SLC9A2: variants seen among roughly 807,000 people sequenced by gnomAD.
SLC9A2 encodes sodium/hydrogen exchanger 2.
SLC9A2 carries 42 observed loss-of-function variants against 71.7 expected under a neutral mutation model. The observed-to-expected ratio is 0.59, with a 90% CI of 0.46 to 0.76. The LOEUF (loss-of-function observed/expected upper bound fraction) is 0.76, where lower values mean the gene tolerates loss of function less well. Among genes scored for constraint, SLC9A2 ranks in the 30% least tolerant of loss-of-function variants. SLC9A2 has a pLI of 0.00. For missense variants in SLC9A2, 829 were observed against 1,017.4 expected, an observed-to-expected ratio of 0.81 and a Z score of 2.52; for synonymous variants, 396 against 392.5, an observed-to-expected ratio of 1.01 and a Z score of -0.10.
At chr2:102,696,780 C>T (rs890733572) in intron 7 of SLC9A2, among the ~76,000 whole-genome samples, 4 of 152,098 alleles carry the variant, frequency 2.6e-5, no homozygotes, top group South Asian at 2.1e-4. Flanking sequence ...ATGGAGAGCA[C>T]GCCCAATTAG....
chr2:102,633,087 A>G (rs1676406227), intron 1 of SLC9A2, among the ~76,000 whole-genome samples: 1 of 152,174 alleles, frequency 6.6e-6, no homozygotes, highest in Non-Finnish European at 1.5e-5. Context: ...TCTTTAATAA[A>G]ATAATAATAG....
intron 5 of SLC9A2, among the ~76,000 whole-genome samples, chr2:102,692,084 G>A (rs376879107): frequency 1.1e-4 from 17 of 152,270 alleles, no homozygotes; most frequent in South Asian, 6.2e-4. Context: ...CCATCTCTGC[G>A]AACCACATGT....
Position 102,704,645 on chromosome 2 carries a change from G to A in SLC9A2, c.1947G>A (p.Arg649=). The stretch of plus-strand genomic sequence containing the variant: ...GACACAGTTTGCGAGAAAGCATTAG[G>A]AAGGACAGCAGCTTGAATCGAGAAC... The part of the protein sequence containing the change: ...RRRHSLRESI[R]KDSSLNREHR... The change falls in exon 10 of 12, where the codon AGG becomes AGA. Residue 649 remains arginine, a synonymous_variant. Transcript: ENST00000233969. The A allele has an allele frequency of 6.2e-7, 1 of 1,613,254 alleles. No homozygotes were observed. The highest frequency in any genetic ancestry group is 8.5e-7 in the Non-Finnish European group (1 of 1,179,438).
Position 102,694,583 on chromosome 2 carries a change from T to A in SLC9A2, c.1515+80T>A, listed in dbSNP as rs1302903952. 4 of 626,222 alleles carry A rather than the reference T, an allele frequency of 6.4e-6. No homozygotes were observed. The African/African-American group carries it at 7.5e-5, about 12-fold the overall frequency. The allele number at this position is 626,222 out of a possible 1,614,324, so 38.8% of individuals were successfully genotyped here. ...AGTCAAACAGCTTGGTACCACGTTG[T>A]CCATTTCCTGAAGAAGAAGGGAATG... On this transcript the variant is annotated intron_variant, in intron 6 of 11. Transcript: ENST00000233969.
chr2:102,708,224 A>C lies in SLC9A2; in HGVS notation c.2174A>C (p.Gln725Pro). 7 of 1,614,106 alleles carry C rather than the reference A, an allele frequency of 4.3e-6. No individual in the cohort carries two copies. Among genetic ancestry groups the C allele is most frequent in the Non-Finnish European group, 5.1e-6 (6 of 1,180,010 alleles). ...LPEQFSKKSPQSYKMEWKNEV... is the reference protein window; with the variant it reads ...LPEQFSKKSPPSYKMEWKNEV... Reference sequence around the variant, plus strand: ...GAACAGTTCTCCAAGAAATCCCCCCAGTCCTATAAAATGGAATGGAAGAAT... The same window carrying C: ...GAACAGTTCTCCAAGAAATCCCCCCCGTCCTATAAAATGGAATGGAAGAAT... Residue 725 changes from glutamine (Q) to proline (P), a missense_variant, in exon 12 of 12, where the codon CAG becomes CCG. Coordinates refer to ENST00000233969, the MANE Select transcript of SLC9A2 (RefSeq NM_003048.6).
chr2:102,683,609 A>T, intron 4 of SLC9A2, 131 bp downstream of exon 4: 1 of 699,266 alleles, frequency 1.4e-6, no homozygotes. Flanking sequence ...TTTCTTACCT[A>T]CGTCTTCCTC....
intron 1 of SLC9A2, among the ~76,000 whole-genome samples, chr2:102,649,611 A>C (rs1434884407): frequency 6.6e-6 from 1 of 151,834 alleles, no homozygotes; most frequent in Non-Finnish European, 1.5e-5. Flanking sequence ...TAAGGAACTT[A>C]AACAAATTTA....
chr2:102,683,277 A>G lies in SLC9A2; in HGVS notation c.1021A>G (p.Met341Val). ...SGIMAITACA[M>V]TMNKYVEENV... ...CCCTTTCAGAATCACTGCTTGTGCA[A>G]TGACTATGAATAAGTACGTAGAAGA... The change falls in exon 4 of 12, where the codon ATG (methionine) becomes GTG (valine). Residue 341 changes from methionine (M) to valine (V), a missense_variant. Physicochemically the swap from Met to Val is conservative, Grantham distance 21. Coordinates refer to ENST00000233969, the MANE Select transcript of SLC9A2 (RefSeq NM_003048.6). 6.2e-7 allele frequency: 1 copy of G among 1,611,182 alleles called. No homozygotes were observed. The highest frequency in any genetic ancestry group is 8.5e-7 in the Non-Finnish European group (1 of 1,177,256).
chr2:102,639,503 C>T (rs1676532283), intron 1 of SLC9A2, among the ~76,000 whole-genome samples: 2 of 152,202 alleles, frequency 1.3e-5, no homozygotes. Context: ...ACCATGCCTA[C>T]CAGCAGAGAT....
intron 3 of SLC9A2, among the ~76,000 whole-genome samples, chr2:102,679,629 C>T (rs1344448685): frequency 3.9e-5 from 6 of 152,124 alleles, no homozygotes; most frequent in African/African-American, 1.4e-4. Flanking sequence ...CCGCCCACCT[C>T]GGCCTCCCAA....
At chr2:102,695,789 T>TTATATATATATATAATATATATTA (rs1226558409) in intron 7 of SLC9A2, among the ~76,000 whole-genome samples, 1 of 37,120 alleles carries the variant, frequency 2.7e-5, no homozygotes, top group African/African-American at 1.0e-4. Flanking sequence ...TATATATATA[T>TTATATATATATATAATATATATTA]TATATATATA....
At chr2:102,648,715 G>A (rs1676776247) in intron 1 of SLC9A2, among the ~76,000 whole-genome samples, 1 of 152,132 alleles carries the variant, frequency 6.6e-6, no homozygotes, top group Admixed American at 6.5e-5. Context: ...GCCAAATCAT[G>A]AGTGAACTCC....
At chr2:102,625,636 C>A (rs1396672551) in intron 1 of SLC9A2, among the ~76,000 whole-genome samples, 1 of 152,260 alleles carries the variant, frequency 6.6e-6, no homozygotes, top group Admixed American at 6.5e-5. Flanking sequence ...CATGTCCCTA[C>A]AAAGGACATG....
Position 102,706,147 on chromosome 2 carries a change from G to A in SLC9A2, c.2068+211G>A, listed in dbSNP as rs1286999497. On this transcript the variant is annotated intron_variant, in intron 11 of 11. Transcript: ENST00000233969. ...ATCCTGGCTAACAAGGTGAAACCCC[G>A]TCTCTACTGAAAATACAAAAAATTA... is the stretch of plus-strand genomic sequence containing the variant. Among the ~76,000 whole-genome samples, 2 of 31,184 alleles carry A rather than the reference G, an allele frequency of 6.4e-5. 1 individual carries two copies. Among genetic ancestry groups the A allele is most frequent in the Non-Finnish European group, 1.3e-4 (2 of 15,168 alleles). The allele number at this position is 31,184 out of a possible 152,430, so 20.5% of individuals were successfully genotyped here. A position where few individuals can be genotyped will look rare whatever the true frequency, so the allele number is the denominator to read the frequency against.
At chr2:102,682,104 T>C (rs930958833) in intron 3 of SLC9A2, among the ~76,000 whole-genome samples, 1 of 152,168 alleles carries the variant, frequency 6.6e-6, no homozygotes, top group African/African-American at 2.4e-5. Context: ...ATTCAGCTTA[T>C]GGCATGGTTA....
rs113988218 is a variant in SLC9A2 at position 102,646,165 on chromosome 2, G to T, written c.290-11399G>T. 3.2e-4 allele frequency among the ~76,000 whole-genome samples: 48 copies of T among 152,316 alleles called. 2 individuals carry two copies. Among genetic ancestry groups the T allele is most frequent in the African/African-American group, 1.1e-3 (44 of 41,564 alleles). ...CGAGATTTAACATTCTTAAAGAAAA[G>T]AATTTTCCAACCCAGAATTTCATAT... On this transcript the variant is annotated intron_variant, in intron 1 of 11. Coordinates refer to ENST00000233969, the MANE Select transcript of SLC9A2 (RefSeq NM_003048.6).
intron 1 of SLC9A2, among the ~76,000 whole-genome samples, chr2:102,638,413 T>A (rs1339457883): frequency 6.6e-6 from 1 of 152,148 alleles, no homozygotes; most frequent in Non-Finnish European, 1.5e-5. Flanking sequence ...TTGACAAATG[T>A]GGGAAGGACA....
At chr2:102,659,148 G>A (rs146762440) in intron 2 of SLC9A2, among the ~76,000 whole-genome samples, 1,624 of 152,202 alleles carry the variant, frequency 0.011, 24 homozygotes, top group African/African-American at 0.037. Context: ...GCCGGGTGCA[G>A]AGGCTCATGC....
chr2:102,693,084 C>G (rs1260021184), intron 5 of SLC9A2, among the ~76,000 whole-genome samples: 1 of 151,298 alleles, frequency 6.6e-6, no homozygotes, highest in Non-Finnish European at 1.5e-5. Context: ...CACACACACT[C>G]TTTTTATATG....
Sources: gnomAD v4.1 joint callset for allele counts (sites outside exome capture counted in the v4.1 genomes callset) on GRCh38, gnomAD v4.1.1 for gene constraint, MANE v1.5 for transcripts, NCBI Gene and HGNC (gene_info 2026-07-23, HGNC 2026-07-21) for gene names.